Variants in PUM1 observed in about 807,000 individuals in gnomAD.
PUM1 encodes the protein pumilio homolog 1.
In PUM1, 13 loss-of-function variants were observed where a neutral mutation model predicts 131.8. That is an observed-to-expected ratio of 0.10 (90% CI 0.06 to 0.16). The LOEUF is 0.16. Ranked by LOEUF, PUM1 falls within the 10% of genes least tolerant of loss-of-function variation. The probability of loss-of-function intolerance (pLI) is 1.00; values close to 1 mark genes in which losing one functional copy is unlikely to be tolerated. For synonymous variants in PUM1, 509 were observed against 556.5 expected, an observed-to-expected ratio of 0.91 and a Z score of 1.20; for missense variants, 961 against 1,512.4, an observed-to-expected ratio of 0.64 and a Z score of 6.05.
chr1:31,013,875 T>C (rs1402902757), intron 3 of PUM1, among the ~76,000 whole-genome samples: 1 of 152,244 alleles, frequency 6.6e-6, no homozygotes, highest in Non-Finnish European at 1.5e-5. Context: ...TACTAAGAAC[T>C]ATACTGATAT....
At chr1:31,008,853 T>C (rs567560425) in intron 3 of PUM1, among the ~76,000 whole-genome samples, 32 of 152,120 alleles carry the variant, frequency 2.1e-4, no homozygotes, top group African/African-American at 7.5e-4. Context: ...TAAACTTATT[T>C]TTCTCCTTTT....
chr1:30,950,102 G>A (rs1441909767), intron 17 of PUM1, 25 bp downstream of exon 17: 2 of 1,604,538 alleles, frequency 1.2e-6, no homozygotes, highest in Non-Finnish European at 1.7e-6. Context: ...CAAACACCAA[G>A]AGAAAAGTTA....
intron 3 of PUM1, among the ~76,000 whole-genome samples, chr1:31,016,486 T>C (rs545626210): frequency 6.6e-6 from 1 of 152,292 alleles, no homozygotes; most frequent in African/African-American, 2.4e-5. Context: ...TATATATATG[T>C]ATATATTCAT....
chr1:30,970,224 C>A (rs540192172), intron 10 of PUM1, among the ~76,000 whole-genome samples: 1 of 151,686 alleles, frequency 6.6e-6, no homozygotes, highest in African/African-American at 2.4e-5. Context: ...AAAATGGGTA[C>A]AAATTATTCT....
chr1:30,986,088 G>A (rs1268232431), intron 7 of PUM1, among the ~76,000 whole-genome samples: 3 of 152,136 alleles, frequency 2.0e-5, no homozygotes, highest in Non-Finnish European at 2.9e-5. Context: ...TGGAGTAGCT[G>A]GGATTACAGG....
intron 2 of PUM1, chr1:31,051,110 T>C (rs982584343): frequency 1.3e-5 from 2 of 151,948 alleles, no homozygotes; most frequent in African/African-American, 4.8e-5. Flanking sequence ...AAAGAAACCA[T>C]GATAGCTCTT....
At chr1:31,063,552 T>C (rs2124035327) in intron 1 of PUM1, among the ~76,000 whole-genome samples, 1 of 152,286 alleles carries the variant, frequency 6.6e-6, no homozygotes, top group South Asian at 2.1e-4. Flanking sequence ...CAAAAAGCCC[T>C]GGCTTCACCA....
chr1:30,972,732 C>CCAT, intron 10 of PUM1, among the ~76,000 whole-genome samples: 1 of 151,014 alleles, frequency 6.6e-6, no homozygotes, highest in Non-Finnish European at 1.5e-5. Flanking sequence ...CAAGAGCTCA[C>CCAT]TGCACTCCAG....
chr1:31,054,348 G>A (rs563538952), intron 2 of PUM1, among the ~76,000 whole-genome samples: 11 of 151,902 alleles, frequency 7.2e-5, no homozygotes, highest in African/African-American at 2.7e-4. Flanking sequence ...AGAAAAAAGT[G>A]TAAAAGCAAT....
chr1:30,963,982 T>C (rs755626894), intron 14 of PUM1, among the ~76,000 whole-genome samples: 6 of 152,172 alleles, frequency 3.9e-5, no homozygotes, highest in Non-Finnish European at 7.3e-5. Context: ...TCCTGAAAGA[T>C]TTAGAGATTT....
intron 5 of PUM1, among the ~76,000 whole-genome samples, chr1:30,999,029 C>T (rs1011046208): frequency 6.6e-6 from 1 of 152,088 alleles, no homozygotes; most frequent in Non-Finnish European, 1.5e-5. Context: ...GAGACAGGGT[C>T]TCGCTCTTTC....
intron 14 of PUM1, among the ~76,000 whole-genome samples, chr1:30,960,322 T>C (rs1472758070): frequency 6.6e-6 from 1 of 152,232 alleles, no homozygotes; most frequent in East Asian, 1.9e-4. Flanking sequence ...AACAAAGACT[T>C]TGTTGATGCT....
intron 18 of PUM1, among the ~76,000 whole-genome samples, chr1:30,945,138 G>T (rs560509068): frequency 4.1e-4 from 63 of 152,130 alleles, no homozygotes; most frequent in Non-Finnish European, 7.6e-4. Flanking sequence ...GGAGGCTGAG[G>T]GGGGAGGATT....
intron 7 of PUM1, among the ~76,000 whole-genome samples, chr1:30,986,687 T>C (rs1032870984): frequency 2.0e-5 from 3 of 152,190 alleles, no homozygotes; most frequent in African/African-American, 7.2e-5. Context: ...TTAATACTTT[T>C]TGAGAAAAAC....
At chr1:30,961,957 C>T (rs1640428567) in intron 14 of PUM1, among the ~76,000 whole-genome samples, 1 of 152,090 alleles carries the variant, frequency 6.6e-6, no homozygotes, top group South Asian at 2.1e-4. Flanking sequence ...AGGTGTGGGC[C>T]AGAAAGAAAT....
chr1:30,952,720 AG>A (rs1557551092), intron 15 of PUM1, among the ~76,000 whole-genome samples: 1 of 66,846 alleles, frequency 1.5e-5, no homozygotes, highest in Non-Finnish European at 3.9e-5. Context: ...GCAGGAAGAG[AG>A]GAGGGGTGGA....
At chr1:31,005,154 T>C (rs1019860640) in intron 5 of PUM1, among the ~76,000 whole-genome samples, 2 of 152,134 alleles carry the variant, frequency 1.3e-5, no homozygotes, top group Admixed American at 1.3e-4. Context: ...AAGAAAGAAA[T>C]TGTTTTGAGA....
intron 7 of PUM1, among the ~76,000 whole-genome samples, chr1:30,989,959 G>A (rs1188608712): frequency 6.6e-6 from 1 of 152,174 alleles, no homozygotes; most frequent in Non-Finnish European, 1.5e-5. Flanking sequence ...CTGATCAGAT[G>A]ACAACAGAGT....
chr1:31,047,663 C>T (rs1234445177), intron 2 of PUM1, among the ~76,000 whole-genome samples: 1 of 152,242 alleles, frequency 6.6e-6, no homozygotes. Context: ...ATCCCACTGG[C>T]TGGGCATGGT....
Sources: allele counts gnomAD v4.1 joint callset (sites outside exome capture counted in the v4.1 genomes callset), GRCh38; gene constraint gnomAD v4.1.1; transcripts MANE v1.5; gene names NCBI Gene and HGNC (gene_info 2026-07-23, HGNC 2026-07-21).